Variants in HMGCLL1 observed in about 807,000 individuals in gnomAD.
HMGCLL1 encodes the protein 3-hydroxymethyl-3-methylglutaryl-CoA lyase, cytoplasmic.
A neutral mutation model predicts 39.1 loss-of-function variants in HMGCLL1; 36 were observed. That is an observed-to-expected ratio of 0.92 (90% CI 0.71 to 1.22). The LOEUF (loss-of-function observed/expected upper bound fraction) is 1.22. HMGCLL1 is among the 50% of genes most tolerant of loss of function. HMGCLL1 has a pLI of 0.00. For missense variants in HMGCLL1, 451 were observed against 416.5 expected, an observed-to-expected ratio of 1.08 and a Z score of -0.72; for synonymous variants, 149 against 144.0, an observed-to-expected ratio of 1.03 and a Z score of -0.25.
At chr6:55,548,565 T>G (rs994711471) in intron 1 of HMGCLL1, among the ~76,000 whole-genome samples, 23 of 152,010 alleles carry the variant, frequency 1.5e-4, no homozygotes, top group Non-Finnish European at 1.6e-4. Flanking sequence ...TTCAAATTTT[T>G]AAAATGAGGT....
At chr6:55,552,213 A>G (rs549394277) in intron 1 of HMGCLL1, among the ~76,000 whole-genome samples, 2 of 152,154 alleles carry the variant, frequency 1.3e-5, no homozygotes, top group East Asian at 3.9e-4. Context: ...GTAGTGATCT[A>G]TCTCTGTAGG....
At chr6:55,633,706 G>A in the HMGCLL1 span, among the ~76,000 whole-genome samples, 1 of 151,962 alleles carries the variant, frequency 6.6e-6, no homozygotes, top group African/African-American at 2.4e-5. Context: ...GAGCAGAACA[G>A]GCTAAAAAGA....
intron 5 of HMGCLL1, among the ~76,000 whole-genome samples, chr6:55,501,990 C>G (rs966894691): frequency 3.3e-5 from 5 of 151,820 alleles, no homozygotes; most frequent in African/African-American, 1.2e-4. Flanking sequence ...TCTGAAGCTG[C>G]AAACTCCAAT....
chr6:55,494,879 T>C (rs560202192), intron 7 of HMGCLL1, among the ~76,000 whole-genome samples: 1 of 152,214 alleles, frequency 6.6e-6, no homozygotes, highest in South Asian at 2.1e-4. Context: ...ACTTTCTAGA[T>C]CTCTTCACTT....
the HMGCLL1 span, among the ~76,000 whole-genome samples, chr6:55,586,245 T>A: frequency 2.0e-5 from 3 of 151,952 alleles, no homozygotes; most frequent in African/African-American, 7.2e-5. Flanking sequence ...TTAACTATGA[T>A]AATAAGAGAA....
At chr6:55,638,708 A>T in the HMGCLL1 span, among the ~76,000 whole-genome samples, 1 of 152,202 alleles carries the variant, frequency 6.6e-6, no homozygotes, top group Admixed American at 6.6e-5. Context: ...CAGGATTCTT[A>T]GTCAAATGAC....
the HMGCLL1 span, among the ~76,000 whole-genome samples, chr6:55,674,314 T>C: frequency 6.6e-6 from 1 of 151,766 alleles, no homozygotes; most frequent in Non-Finnish European, 1.5e-5. Flanking sequence ...ATAAATGATT[T>C]GCTGAGCATG....
At chr6:55,641,687 T>A in the HMGCLL1 span, among the ~76,000 whole-genome samples, 1 of 151,904 alleles carries the variant, frequency 6.6e-6, no homozygotes, top group Admixed American at 6.6e-5. Context: ...TCAGCCATTA[T>A]AATAAATACG....
At chr6:55,666,779 C>T in the HMGCLL1 span, among the ~76,000 whole-genome samples, 6 of 151,572 alleles carry the variant, frequency 4.0e-5, no homozygotes, top group African/African-American at 1.5e-4. Context: ...GAAAGCTGCA[C>T]CAGTTAAATT....
chr6:55,487,116 C>A (rs1049243568), intron 7 of HMGCLL1, among the ~76,000 whole-genome samples: 9 of 151,750 alleles, frequency 5.9e-5, no homozygotes, highest in Non-Finnish European at 1.5e-5. Flanking sequence ...GACCATAGCA[C>A]CCCTCATCAT....
the HMGCLL1 span, among the ~76,000 whole-genome samples, chr6:55,651,505 A>G: frequency 1.3e-5 from 2 of 152,038 alleles, no homozygotes; most frequent in Admixed American, 1.3e-4. Flanking sequence ...TCTTAAGCAG[A>G]AGGAAGGAGC....
At chr6:55,652,010 C>A in the HMGCLL1 span, among the ~76,000 whole-genome samples, 12 of 152,010 alleles carry the variant, frequency 7.9e-5, no homozygotes, top group Non-Finnish European at 1.6e-4. Context: ...TCTCTCCTGC[C>A]CTCCTCAATG....
intron 7 of HMGCLL1, among the ~76,000 whole-genome samples, chr6:55,477,234 A>G (rs1379957321): frequency 4.8e-5 from 1 of 20,708 alleles, no homozygotes; most frequent in African/African-American, 3.1e-4. Context: ...TATAATATAT[A>G]TTATATTTAT....
At chr6:55,632,275 G>C in the HMGCLL1 span, among the ~76,000 whole-genome samples, 3 of 151,786 alleles carry the variant, frequency 2.0e-5, no homozygotes, top group Non-Finnish European at 4.4e-5. Context: ...AAAGAAACTT[G>C]TACTCAATTA....
intron 1 of HMGCLL1, among the ~76,000 whole-genome samples, chr6:55,546,716 T>A (rs1475550858): frequency 6.6e-6 from 1 of 152,144 alleles, no homozygotes; most frequent in Non-Finnish European, 1.5e-5. Flanking sequence ...CATTTTAATG[T>A]AGTCTGGAGA....
chr6:55,640,757 G>A, the HMGCLL1 span, among the ~76,000 whole-genome samples: 1 of 151,042 alleles, frequency 6.6e-6, no homozygotes, highest in Admixed American at 6.6e-5. Flanking sequence ...TACAAAATTT[G>A]TATTTTATGT....
the HMGCLL1 span, among the ~76,000 whole-genome samples, chr6:55,604,835 A>T: frequency 6.6e-6 from 1 of 152,226 alleles, no homozygotes; most frequent in Non-Finnish European, 1.5e-5. Context: ...CACAGTGGGC[A>T]CTACATTACA....
At chr6:55,555,971 C>T (rs936639025) in intron 1 of HMGCLL1, among the ~76,000 whole-genome samples, 1 of 152,018 alleles carries the variant, frequency 6.6e-6, no homozygotes, top group Admixed American at 6.6e-5. Context: ...GTATTACTGG[C>T]CATAATAAAG....
At chr6:55,501,765 T>A (rs1045654986) in intron 5 of HMGCLL1, among the ~76,000 whole-genome samples, 1 of 151,940 alleles carries the variant, frequency 6.6e-6, no homozygotes, top group African/African-American at 2.4e-5. Flanking sequence ...AGTTCTATTA[T>A]ACTGCCAACA....
Sources: gnomAD v4.1 joint callset for allele counts (sites outside exome capture counted in the v4.1 genomes callset) on GRCh38, gnomAD v4.1.1 for gene constraint, MANE v1.5 for transcripts, NCBI Gene and HGNC (gene_info 2026-07-23, HGNC 2026-07-21) for gene names.